The following ALDH1L1 variants were observed in gnomAD, a reference collection of about 807,000 sequenced individuals.
ALDH1L1 encodes the protein aldehyde dehydrogenase 1 family member L1, also known as cytosolic 10-formyltetrahydrofolate dehydrogenase.
ALDH1L1 carries 68 observed loss-of-function variants against 101.1 expected under a neutral mutation model. That is an observed-to-expected ratio of 0.67 (90% confidence interval 0.55 to 0.82). The LOEUF (loss-of-function observed/expected upper bound fraction) is 0.82, where lower values mean the gene tolerates loss of function less well. Ranked by LOEUF, ALDH1L1 falls within the 40% of genes least tolerant of loss-of-function variation. The pLI, the probability that ALDH1L1 is intolerant of heterozygous loss-of-function variation, is 0.00. For synonymous variants in ALDH1L1, 486 were observed against 470.8 expected (o/e 1.03, Z -0.42); for missense variants, 1,087 against 1,172.7 (o/e 0.93, Z 1.07).
At position 126,112,830 on chromosome 3, in the gene ALDH1L1, G is replaced by A. The variant is rs750094159; in HGVS notation, c.2133C>T (p.Gly711=). ...FNKGENCIAA[G]RLFVEDSIHD... ...GAATGGAGTCCTCCACAAAGAGTCG[G>A]CCTGCTGCAATGCAATTCTCTCCTT... The change falls in exon 19 of 23, where the codon GGC becomes GGT. Residue 711 remains glycine, a synonymous_variant. Transcript: ENST00000393434. The A allele has an allele frequency of 6.2e-7, 1 of 1,613,620 alleles. No individual in the cohort carries two copies. Among genetic ancestry groups the A allele is most frequent in the South Asian group, 1.1e-5 (1 of 91,086 alleles).
At chr3:126,166,553 A>T (rs1367679100) in intron 1 of ALDH1L1, among the ~76,000 whole-genome samples, 1 of 151,960 alleles carries the variant, frequency 6.6e-6, no homozygotes, top group Non-Finnish European at 1.5e-5. Flanking sequence ...ACATTTCTCC[A>T]CTCTGTCTTG....
chr3:126,184,739 G>T (rs1034095384), upstream of ALDH1L1, among the ~76,000 whole-genome samples: 1 of 152,174 alleles, frequency 6.6e-6, no homozygotes, highest in Non-Finnish European at 1.5e-5. Flanking sequence ...TCTTTCTGTT[G>T]TATAATGATG....
chr3:126,175,606 A>G (rs1375916279), intron 1 of ALDH1L1, among the ~76,000 whole-genome samples: 1 of 152,192 alleles, frequency 6.6e-6, no homozygotes, highest in Non-Finnish European at 1.5e-5. Context: ...ATATGATCAC[A>G]TCAATAGATC....
At chr3:126,135,504 A>G in intron 12 of ALDH1L1, 31 bp downstream of exon 12, 2 of 1,594,262 alleles carry the variant, frequency 1.3e-6, no homozygotes, top group Non-Finnish European at 8.5e-7. Flanking sequence ...TGATGGTGGC[A>G]GTGGCTGGCA....
intron 13 of ALDH1L1, among the ~76,000 whole-genome samples, 188 bp downstream of exon 13, chr3:126,131,196 G>A (rs1272579580): frequency 6.6e-6 from 1 of 152,248 alleles, no homozygotes; most frequent in Non-Finnish European, 1.5e-5. Flanking sequence ...ACCTTGGCAT[G>A]GAACCCAGCC....
intron 13 of ALDH1L1, 136 bp downstream of exon 13, chr3:126,131,248 A>G: frequency 1.7e-6 from 2 of 1,150,010 alleles, no homozygotes; most frequent in Non-Finnish European, 2.4e-6. Flanking sequence ...ACAAGCTAAT[A>G]AACAGGTGTC....
chr3:126,176,253 T>C (rs939974638), intron 1 of ALDH1L1, among the ~76,000 whole-genome samples: 9 of 152,194 alleles, frequency 5.9e-5, no homozygotes, highest in Non-Finnish European at 1.3e-4. Context: ...AGATGTCAGT[T>C]CTTTCCGACT....
At chr3:126,136,911 C>T (rs1160559995) in intron 10 of ALDH1L1, 28 bp from the exon 11 acceptor site, 1 of 1,612,770 alleles carries the variant, frequency 6.2e-7, no homozygotes, top group African/African-American at 1.3e-5. Flanking sequence ...GTGACAAGCA[C>T]AAACCCATGC....
chr3:126,172,272 T>A (rs1035973092), intron 1 of ALDH1L1, among the ~76,000 whole-genome samples: 4 of 152,204 alleles, frequency 2.6e-5, no homozygotes, highest in Non-Finnish European at 5.9e-5. Context: ...ATGTTGGAAT[T>A]TTCAGATGGA....
Position 126,154,551 on chromosome 3 carries a change from C to A in ALDH1L1, c.720+3G>T. On this transcript the variant is annotated splice_donor_region_variant and intron_variant, in intron 6 of 22. Coordinates refer to ENST00000393434, the MANE Select transcript of ALDH1L1 (RefSeq NM_012190.4). ...GCTGGATTCCAGCCATGCAGGGACA[C>A]ACCTGTTCACAGGCCTCTGTCCAGG... is the stretch of plus-strand genomic sequence containing the variant. 6.2e-7 allele frequency: 1 copy of A among 1,614,108 alleles called. No homozygotes were observed. The highest frequency in any genetic ancestry group is 1.7e-5 in the Admixed American group (1 of 60,020).
intron 1 of ALDH1L1, among the ~76,000 whole-genome samples, chr3:126,174,250 G>T (rs68189376): frequency 0.021 from 3,165 of 152,226 alleles, 50 homozygotes; most frequent in Non-Finnish European, 0.034. Flanking sequence ...GGCTGGTCTC[G>T]CACTCCTGAC....
intron 14 of ALDH1L1, among the ~76,000 whole-genome samples, chr3:126,128,051 G>T (rs2365007): frequency 1.3e-5 from 2 of 151,626 alleles, no homozygotes; most frequent in African/African-American, 4.8e-5. Flanking sequence ...CCTGGGATCC[G>T]TGAGGCCAGC....
chr3:126,141,890 C>A (rs530216705), intron 9 of ALDH1L1, among the ~76,000 whole-genome samples: 1 of 151,266 alleles, frequency 6.6e-6, no homozygotes, highest in African/African-American at 2.4e-5. Context: ...GAAAAAAAAA[C>A]AGCAAATCAA....
At chr3:126,181,409 T>G (rs754723311), upstream of ALDH1L1, 7 of 284,156 alleles carry the variant, frequency 2.5e-5, no homozygotes, top group Non-Finnish European at 4.9e-5. Context: ...CCCGACCACC[T>G]GGCCCTCTCT....
Position 126,122,055 on chromosome 3 carries a change from C to A in ALDH1L1, c.1888+2309G>T, listed in dbSNP as rs568500253. Among the ~76,000 whole-genome samples the A allele has an allele frequency of 7.9e-5, 12 of 152,304 alleles. No homozygotes were observed. The East Asian group carries it at 1.5e-3, about 20-fold the overall frequency. On this transcript the variant is annotated intron_variant, in intron 16 of 22. Transcript: ENST00000393434. ...AGGCAGAACAAGTGCAAAGAAAGAACAAGAGTGTCAACCCAGAATCTTACA... is the reference window on the plus strand; with the variant it reads ...AGGCAGAACAAGTGCAAAGAAAGAAAAAGAGTGTCAACCCAGAATCTTACA...
intron 17 of ALDH1L1, chr3:126,115,582 T>TGTTTC (rs1008887705): frequency 3.9e-5 from 6 of 152,948 alleles, no homozygotes; most frequent in Admixed American, 3.2e-4. Flanking sequence ...TGTTTTGTTT[T>TGTTTC]GTTTTGTTTT....
At chr3:126,133,143 G>A (rs2080349804) in intron 12 of ALDH1L1, among the ~76,000 whole-genome samples, 1 of 152,212 alleles carries the variant, frequency 6.6e-6, no homozygotes, top group Non-Finnish European at 1.5e-5. Flanking sequence ...TCCCAGTTAG[G>A]CTTAAAGTAG....
intron 1 of ALDH1L1, among the ~76,000 whole-genome samples, chr3:126,162,642 C>A (rs942641198): frequency 6.6e-6 from 1 of 152,110 alleles, no homozygotes; most frequent in African/African-American, 2.4e-5. Flanking sequence ...CTGTGGCTTG[C>A]CTTTTTCATC....
chr3:126,185,303 C>A (rs939445526), upstream of ALDH1L1, among the ~76,000 whole-genome samples: 1 of 152,208 alleles, frequency 6.6e-6, no homozygotes, highest in African/African-American at 2.4e-5. Context: ...TGGCACATGG[C>A]CCCCAGAAAC....
Sources: gnomAD v4.1 joint callset for allele counts (sites outside exome capture counted in the v4.1 genomes callset) on GRCh38, gnomAD v4.1.1 for gene constraint, MANE v1.5 for transcripts, NCBI Gene and HGNC (gene_info 2026-07-23, HGNC 2026-07-21) for gene names.